The following PKDREJ variants were observed in gnomAD, a reference collection of about 807,000 sequenced individuals.
PKDREJ encodes the protein PKD and REJ homolog.
For missense variants in PKDREJ, 2,507 were observed against 2,807.2 expected (o/e 0.89, Z 2.42); for synonymous variants, 1,031 against 1,095.5 (o/e 0.94, Z 1.16).
Position 46,263,224 on chromosome 22 carries a change from G to T in PKDREJ, c.99C>A (p.Ala33=). 7.0e-7 allele frequency: 1 copy of T among 1,434,154 alleles called. No individual in the cohort carries two copies. The highest frequency in any genetic ancestry group is 9.1e-7 in the Non-Finnish European group (1 of 1,098,624). The allele number at this position is 1,434,154 out of a possible 1,614,324, so 88.8% of individuals were successfully genotyped here. Residue 33 remains alanine, a synonymous_variant, in exon 1 of 1, where the codon GCC becomes GCA. Coordinates refer to ENST00000253255, the MANE Select transcript of PKDREJ (RefSeq NM_006071.2). This position sits in a 1 kb window ranked among gnomAD's most constrained non-coding sequence, Gnocchi z 9.4. ...GGAGGCCACCGGGCGCCCCGGAGAC[G>T]GCGGCTTGTGCCCCGCGAGGAACCG... ...LPPVPRGAQA[A]VSGAPGGLLR...
Position 46,256,478 on chromosome 22 carries a change from C to T in PKDREJ, c.*83G>A, listed in dbSNP as rs1014840729. The T allele has an allele frequency of 3.9e-6, 6 of 1,521,314 alleles. No individual in the cohort carries two copies. The highest frequency in any genetic ancestry group is 5.2e-6 in the Non-Finnish European group (6 of 1,143,906). 94.2% of individuals were successfully genotyped at this position (1,521,314 alleles called of 1,614,324 possible). ...ACATGAGTAGAAAGCATGACTAGGC[C>T]ACTGACACTCCCTAATCCCCTTAAT... On this transcript the variant is annotated 3_prime_UTR_variant, in exon 1 of 1. Coordinates refer to ENST00000253255, the MANE Select transcript of PKDREJ (RefSeq NM_006071.2). The surrounding 1 kb of genome is among the most constrained non-coding windows in gnomAD (Gnocchi z 5.3).
chr22:46,260,474 G>A lies in PKDREJ; in HGVS notation c.2849C>T (p.Ala950Val), dbSNP rs200911981. Residue 950 changes from alanine (A) to valine (V), a missense_variant, in exon 1 of 1, where the codon GCG (alanine) becomes GTG (valine). By Grantham distance (64) the Ala-to-Val change is moderately conservative (BLOSUM62 0). Coordinates refer to ENST00000253255, the MANE Select transcript of PKDREJ (RefSeq NM_006071.2). The surrounding 1 kb of genome is among the most constrained non-coding windows in gnomAD (Gnocchi z 4.5). Reference protein sequence around the residue: ...GSVLEITPDVAEVYLVRKNLT... With the variant: ...GSVLEITPDVVEVYLVRKNLT... The stretch of plus-strand genomic sequence containing the variant: ...GTTTTTCCTGACAAGGTACACTTCC[G>A]CTACATCAGGTGTGATCTCTAGCAC... 6.2e-6 allele frequency: 10 copies of A among 1,614,162 alleles called. No individual in the cohort carries two copies. Among genetic ancestry groups the A allele is most frequent in the East Asian group, 2.2e-5 (1 of 44,890 alleles).
Position 46,260,551 on chromosome 22 carries a change from A to C in PKDREJ, c.2772T>G (p.Thr924=), listed in dbSNP as rs767653500. ...LFPWLNDQEN[T]SVEVSGFRMT... ...TTCTGAATCCAGACACCTCCACCGA[A>C]GTGTTTTCCTGATCATTTAACCAAG... The change falls in exon 1 of 1, where the codon ACT becomes ACG. Residue 924 remains threonine, a synonymous_variant. Transcript: ENST00000253255. This position sits in a 1 kb window ranked among gnomAD's most constrained non-coding sequence, Gnocchi z 4.5. 2 of 1,614,140 alleles carry C rather than the reference A, an allele frequency of 1.2e-6. No homozygotes were observed. Among genetic ancestry groups the C allele is most frequent in the Non-Finnish European group, 1.7e-6 (2 of 1,179,984 alleles).
At position 46,259,926 on chromosome 22, in the gene PKDREJ, T is replaced by G. The variant is rs769954634; in HGVS notation, c.3397A>C (p.Ile1133Leu). The change falls in exon 1 of 1, where the codon ATC (isoleucine) becomes CTC (leucine). Residue 1133 changes from isoleucine (I) to leucine (L), a missense_variant. Transcript: ENST00000253255. This position sits in a 1 kb window ranked among gnomAD's most constrained non-coding sequence, Gnocchi z 6.8. The stretch of plus-strand genomic sequence containing the variant: ...CTAGCCCTTACTACATTCTTGCAGA[T>G]GCAGTGCACCTCATACCAGCTGGTC... ...EKTSWYEVHC[I>L]CKNVVRARRQ... 1.1e-5 allele frequency: 17 copies of G among 1,614,052 alleles called. No homozygotes were observed. The highest frequency in any genetic ancestry group is 1.4e-5 in the Non-Finnish European group (17 of 1,180,028).
Position 46,263,154 on chromosome 22 carries a change from G to A in PKDREJ, c.169C>T (p.Leu57Phe). ...CGCACCGCGCTGGGCCGCAGACTGAGGAGGGCGCGGCCGCCGCGCACCCCG... is the reference window on the plus strand; with the variant it reads ...CGCACCGCGCTGGGCCGCAGACTGAAGAGGGCGCGGCCGCCGCGCACCCCG... ...GLGVRGGRAL[L>F]SLRPSAVRAG... Residue 57 changes from leucine (L) to phenylalanine (F), a missense_variant, in exon 1 of 1, where the codon CTC becomes TTC. Physicochemically the swap from Leu to Phe is conservative, Grantham distance 22. Coordinates refer to ENST00000253255, the MANE Select transcript of PKDREJ (RefSeq NM_006071.2). This position sits in a 1 kb window ranked among gnomAD's most constrained non-coding sequence, Gnocchi z 9.4. 1 of 1,243,656 alleles carries A rather than the reference G, an allele frequency of 8.0e-7. No homozygotes were observed. 77.0% of individuals were successfully genotyped at this position (1,243,656 alleles called of 1,614,324 possible). A position where few individuals can be genotyped will look rare whatever the true frequency, so the allele number is the denominator to read the frequency against.
In PKDREJ at chr22:46,259,675, C is replaced by T. The variant is rs530773920; in HGVS notation, c.3648G>A (p.Gly1216=). The T allele has an allele frequency of 3.7e-6, 6 of 1,614,048 alleles. No individual in the cohort carries two copies. Among genetic ancestry groups the T allele is most frequent in the East Asian group, 2.2e-5 (1 of 44,888 alleles). ...CATTATCTGGTAGAACTATCACATG[C>T]CCCCGAAGATGCTGGTCCATTTCAT... ...YRDEMDQHLR[G]HVIVLPDNDP... Residue 1216 remains glycine (G), a synonymous_variant, in exon 1 of 1, where the codon GGG becomes GGA. Transcript: ENST00000253255. The surrounding 1 kb of genome is among the most constrained non-coding windows in gnomAD (Gnocchi z 6.8).
chr22:46,258,223 C>G lies in PKDREJ; in HGVS notation c.5100G>C (p.Lys1700Asn), dbSNP rs1936654786. ...TEDEIRIFKR[K>N]KRIKRRALLF... ...GGAGTGCTCTTCTCTTGATCCTCTT[C>G]TTTCTTTTGAATATTCTGATTTCAT... Residue 1700 changes from lysine to asparagine, a missense_variant, in exon 1 of 1, where the codon AAG (lysine) becomes AAC (asparagine). Lys to Asn is a moderately conservative substitution (Grantham distance 94). Coordinates refer to ENST00000253255, the MANE Select transcript of PKDREJ (RefSeq NM_006071.2). This position sits in a 1 kb window ranked among gnomAD's most constrained non-coding sequence, Gnocchi z 6.1. 6.2e-7 allele frequency: 1 copy of G among 1,614,082 alleles called. No individual in the cohort carries two copies. The highest frequency in any genetic ancestry group is 2.2e-5 in the East Asian group (1 of 44,904).
Position 46,258,279 on chromosome 22 carries a change from C to T in PKDREJ, c.5044G>A (p.Gly1682Ser), listed in dbSNP as rs1936655614. Residue 1682 changes from glycine (G) to serine (S), a missense_variant, in exon 1 of 1, where the codon GGC becomes AGC. Gly to Ser is a moderately conservative substitution (Grantham distance 56, BLOSUM62 0). Transcript: ENST00000253255. The surrounding 1 kb of genome is among the most constrained non-coding windows in gnomAD (Gnocchi z 6.1). ...RIHDQIVRIR[G>S]TRMYQPLTED... ...GTAAGGGGTTGGTACATCCTCGTGC[C>T]TCGGATTCGGACGATCTGGTCATGT... 2 of 1,614,184 alleles carry T rather than the reference C, an allele frequency of 1.2e-6. No homozygotes were observed. Among genetic ancestry groups the T allele is most frequent in the South Asian group, 1.1e-5 (1 of 91,086 alleles).
Position 46,260,644 on chromosome 22 carries a change from A to G in PKDREJ, c.2679T>C (p.Ser893=). The G allele has an allele frequency of 6.2e-7, 1 of 1,614,108 alleles. No individual in the cohort carries two copies. Among genetic ancestry groups the G allele is most frequent in the East Asian group, 2.2e-5 (1 of 44,886 alleles). Reference sequence around the variant, plus strand: ...GACCATTTGCAGACAGACCAGGAACACTGCTCACATTGAGTGTTGGATAAA... The same window carrying G: ...GACCATTTGCAGACAGACCAGGAACGCTGCTCACATTGAGTGTTGGATAAA... The part of the protein sequence containing the change: ...NCFYPTLNVS[S]VPGLSANGPI... The change falls in exon 1 of 1, where the codon AGT becomes AGC. Residue 893 remains serine, a synonymous_variant. Transcript: ENST00000253255. This position sits in a 1 kb window ranked among gnomAD's most constrained non-coding sequence, Gnocchi z 4.5.
chr22:46,260,464 G>A lies in PKDREJ; in HGVS notation c.2859C>T (p.Tyr953=). 6.2e-7 allele frequency: 1 copy of A among 1,614,140 alleles called. No homozygotes were observed. Among genetic ancestry groups the A allele is most frequent in the Non-Finnish European group, 8.5e-7 (1 of 1,180,028 alleles). ...LEITPDVAEV[Y]LVRKNLTFAA... ...CAAAGGTCAAGTTTTTCCTGACAAG[G>A]TACACTTCCGCTACATCAGGTGTGA... Residue 953 remains tyrosine, a synonymous_variant, in exon 1 of 1, where the codon TAC becomes TAT. Coordinates refer to ENST00000253255, the MANE Select transcript of PKDREJ (RefSeq NM_006071.2). This position sits in a 1 kb window ranked among gnomAD's most constrained non-coding sequence, Gnocchi z 4.5.
At position 46,259,350 on chromosome 22, in the gene PKDREJ, A is replaced by T; in HGVS notation, c.3973T>A (p.Trp1325Arg). 6.2e-7 allele frequency: 1 copy of T among 1,614,230 alleles called. No homozygotes were observed. Among genetic ancestry groups the T allele is most frequent in the Middle Eastern group, 1.6e-4 (1 of 6,062 alleles). ...KVENLFSRHI[W>R]LFICQKWLSV... is the part of the protein sequence containing the mutation. ...AGCCATTTCTGGCATATGAACAGCC[A>T]AATGTGCCTGCTAAACAGATTTTCC... Residue 1325 changes from tryptophan (W) to arginine (R), a missense_variant, in exon 1 of 1, where the codon TGG becomes AGG. Coordinates refer to ENST00000253255, the MANE Select transcript of PKDREJ (RefSeq NM_006071.2). The surrounding 1 kb of genome is among the most constrained non-coding windows in gnomAD (Gnocchi z 6.8).
At position 46,258,487 on chromosome 22, in the gene PKDREJ, A is replaced by C. The variant is rs1281471234; in HGVS notation, c.4836T>G (p.Phe1612Leu). Residue 1612 changes from phenylalanine (F) to leucine (L), a missense_variant, in exon 1 of 1, where the codon TTT (phenylalanine) becomes TTG (leucine). Coordinates refer to ENST00000253255, the MANE Select transcript of PKDREJ (RefSeq NM_006071.2). This position sits in a 1 kb window ranked among gnomAD's most constrained non-coding sequence, Gnocchi z 6.1. ...YGYDKSIEWLFASFCSFCQSV... is the reference protein window; with the variant it reads ...YGYDKSIEWLLASFCSFCQSV... ...ACTGACAGAATGAACAAAAAGATGC[A>C]AAGAGCCATTCTATTGACTTGTCAT... 6.2e-7 allele frequency: 1 copy of C among 1,614,184 alleles called. No homozygotes were observed.
rs1421426995 is a variant in PKDREJ, at chr22:46,263,024, TG to T, written c.298del (p.Gln100AsnfsTer27). ...GGGCGCGGCCGGCCAGGGCAGGCGTTGGGCGCTGAGCAGGACGCGCAAGTCG... is the reference window on the plus strand; with the variant it reads ...GGGCGCGGCCGGCCAGGGCAGGCGTTGGCGCTGAGCAGGACGCGCAAGTCG... The part of the protein sequence containing the change: ...CLDLRVLLSA[Q>X]RLPWPAAPAL... On this transcript the variant is annotated frameshift_variant, in exon 1 of 1. Coordinates refer to ENST00000253255, the MANE Select transcript of PKDREJ (RefSeq NM_006071.2). LOFTEE classifies it low-confidence loss of function (END_TRUNC). This position sits in a 1 kb window ranked among gnomAD's most constrained non-coding sequence, Gnocchi z 9.4. The T allele has an allele frequency of 7.7e-7, 1 of 1,304,744 alleles. No individual in the cohort carries two copies. Among genetic ancestry groups the T allele is most frequent in the Non-Finnish European group, 9.8e-7 (1 of 1,017,114 alleles). The allele number at this position is 1,304,744 out of a possible 1,614,324, so 80.8% of individuals were successfully genotyped here. A position where few individuals can be genotyped will look rare whatever the true frequency, so the allele number is the denominator to read the frequency against.
Position 46,261,574 on chromosome 22 carries a change from C to T in PKDREJ, c.1749G>A (p.Gln583=), listed in dbSNP as rs1394660284. Residue 583 remains glutamine (Q), a synonymous_variant, in exon 1 of 1, where the codon CAG becomes CAA. Coordinates refer to ENST00000253255, the MANE Select transcript of PKDREJ (RefSeq NM_006071.2). This position sits in a 1 kb window ranked among gnomAD's most constrained non-coding sequence, Gnocchi z 7.1. ...CGTGCTTATCCCTAAAATTACTACACTGGACAACAAATTTAGTAATAAGTG... is the reference window on the plus strand; with the variant it reads ...CGTGCTTATCCCTAAAATTACTACATTGGACAACAAATTTAGTAATAAGTG... The part of the protein sequence containing the change: ...GIALITKFVV[Q]CSNFRDKHVP... 3 of 1,613,870 alleles carry T rather than the reference C, an allele frequency of 1.9e-6. No individual in the cohort carries two copies. Among genetic ancestry groups the T allele is most frequent in the Non-Finnish European group, 2.5e-6 (3 of 1,179,880 alleles).
In PKDREJ at chr22:46,261,549, C is replaced by T. The variant is rs765351837; in HGVS notation, c.1774G>A (p.Val592Ile). ...ACAATTATTTTATATGTAAGAGGGA[C>T]GTGCTTATCCCTAAAATTACTACAC... is the stretch of plus-strand genomic sequence containing the variant. Reference protein sequence around the residue: ...VQCSNFRDKHVPLTYKIIVSD... With the variant: ...VQCSNFRDKHIPLTYKIIVSD... The change falls in exon 1 of 1, where the codon GTC (valine) becomes ATC (isoleucine). Residue 592 changes from valine (V) to isoleucine (I), a missense_variant. Coordinates refer to ENST00000253255, the MANE Select transcript of PKDREJ (RefSeq NM_006071.2). The surrounding 1 kb of genome is among the most constrained non-coding windows in gnomAD (Gnocchi z 7.1). The T allele has an allele frequency of 2.2e-5, 36 of 1,613,868 alleles. No individual in the cohort carries two copies. The highest frequency in any genetic ancestry group is 8.9e-5 in the East Asian group (4 of 44,900).
Position 46,262,022 on chromosome 22 carries a change from A to C in PKDREJ, c.1301T>G (p.Val434Gly). ...CGCTGTCCTAGAGTCCTTCCGAATC[A>C]CCATTCTGAAGAAATACACGTGGTC... The part of the protein sequence containing the change: ...KGDHVYFFRM[V>G]IRKDSRTAFS... Residue 434 changes from valine to glycine, a missense_variant, in exon 1 of 1, where the codon GTG (valine) becomes GGG (glycine). Val to Gly is a moderately radical substitution (Grantham distance 109). Transcript: ENST00000253255. The surrounding 1 kb of genome is among the most constrained non-coding windows in gnomAD (Gnocchi z 8.1). The C allele has an allele frequency of 6.2e-7, 1 of 1,614,114 alleles. No homozygotes were observed. Among genetic ancestry groups the C allele is most frequent in the East Asian group, 2.2e-5 (1 of 44,896 alleles).
rs1280192170 is a variant in PKDREJ at position 46,257,765 on chromosome 22, G to A, written c.5558C>T (p.Thr1853Ile). The change falls in exon 1 of 1, where the codon ACC (threonine) becomes ATC (isoleucine). Residue 1853 changes from threonine (T) to isoleucine (I), a missense_variant. Coordinates refer to ENST00000253255, the MANE Select transcript of PKDREJ (RefSeq NM_006071.2). This position sits in a 1 kb window ranked among gnomAD's most constrained non-coding sequence, Gnocchi z 4.7. ...TTGAGGCTTATAAGTAAATCCATTG[G>A]TACTCTCATCTATAGCCTGCTTATC... is the stretch of plus-strand genomic sequence containing the variant. ...EVDKQAIDESTNGFTYKPQGT... is the reference protein window; with the variant it reads ...EVDKQAIDESINGFTYKPQGT... 8.1e-6 allele frequency: 13 copies of A among 1,613,950 alleles called. No individual in the cohort carries two copies. Among genetic ancestry groups the A allele is most frequent in the Non-Finnish European group, 1.1e-5 (13 of 1,179,942 alleles).
Position 46,259,837 on chromosome 22 carries a change from C to A in PKDREJ, c.3486G>T (p.Lys1162Asn). 1 of 1,613,668 alleles carries A rather than the reference C, an allele frequency of 6.2e-7. No individual in the cohort carries two copies. Among genetic ancestry groups the A allele is most frequent in the Non-Finnish European group, 8.5e-7 (1 of 1,180,036 alleles). The change falls in exon 1 of 1, where the codon AAG becomes AAT. Residue 1162 changes from lysine (K) to asparagine (N), a missense_variant. By Grantham distance (94) the Lys-to-Asn change is moderately conservative. Transcript: ENST00000253255. The surrounding 1 kb of genome is among the most constrained non-coding windows in gnomAD (Gnocchi z 6.8). ...IHLHTHYVMA[K>N]VIVIPNPVDL... The stretch of plus-strand genomic sequence containing the variant: ...CCACAGGATTAGGGATCACAATCAC[C>A]TTGGCCATCACATAGTGGGTATGCA...
Position 46,257,357 on chromosome 22 carries a change from T to C in PKDREJ, c.5966A>G (p.Glu1989Gly), listed in dbSNP as rs1012618890. Residue 1989 changes from glutamate (E) to glycine (G), a missense_variant, in exon 1 of 1, where the codon GAA (glutamate) becomes GGA (glycine). Transcript: ENST00000253255. This position sits in a 1 kb window ranked among gnomAD's most constrained non-coding sequence, Gnocchi z 4.7. ...VVDEGCIIMQ[E>G]RASYVRSVYN... ...CACACTTCTCACATAGGAGGCTCTT[T>C]CTTGCATAATGATACAACCCTCATC... 1.2e-6 allele frequency: 2 copies of C among 1,613,918 alleles called. No individual in the cohort carries two copies. Among genetic ancestry groups the C allele is most frequent in the South Asian group, 1.1e-5 (1 of 91,064 alleles).
Sources: allele counts gnomAD v4.1 joint callset, GRCh38; gene constraint gnomAD v4.1.1; non-coding constraint Gnocchi (gnomAD v3.1); transcripts MANE v1.5; gene names NCBI Gene and HGNC (gene_info 2026-07-23, HGNC 2026-07-21).